Variants in ULK4 observed in about 807,000 individuals in gnomAD.
The protein encoded by ULK4 is inactive serine/threonine-protein kinase ULK4.
In ULK4, 133 loss-of-function variants were observed where a neutral mutation model predicts 160.6. The ratio of observed to expected loss-of-function variants is 0.83; its 90% CI spans 0.72 to 0.96. ULK4 has a LOEUF of 0.96. ULK4 is among the 40% of genes least tolerant of loss of function. ULK4 has a pLI of 0.00. For synonymous variants in ULK4, 534 were observed against 539.8 expected, an observed-to-expected ratio of 0.99 and a Z score of 0.15; for missense variants, 1,580 against 1,499.5, an observed-to-expected ratio of 1.05 and a Z score of -0.89.
chr3:41,493,033 A>C (rs1328153454), intron 32 of ULK4, among the ~76,000 whole-genome samples: 10 of 121,328 alleles, frequency 8.2e-5, no homozygotes, highest in Non-Finnish European at 1.3e-4. Context: ...ACAGAAAGTT[A>C]ACAAGGATAT....
In ULK4 at chr3:41,338,851, G is replaced by A. The variant is rs1158795671; in HGVS notation, c.3678+59228C>T. On this transcript the variant is annotated intron_variant, in intron 35 of 36. Transcript: ENST00000301831. ...GGCCTGAGAACCAGGAATGCCAAGGGCAGAAGATCAAGGGCAGACTGATAT... is the reference window on the plus strand; with the variant it reads ...GGCCTGAGAACCAGGAATGCCAAGGACAGAAGATCAAGGGCAGACTGATAT... Among the ~76,000 whole-genome samples, 8 of 151,790 alleles carry A rather than the reference G, an allele frequency of 5.3e-5. No individual in the cohort carries two copies. The East Asian group carries it at 1.6e-3, about 30-fold the overall frequency.
At chr3:41,945,439 A>T (rs1361436088) in intron 2 of ULK4, among the ~76,000 whole-genome samples, 2 of 152,106 alleles carry the variant, frequency 1.3e-5, no homozygotes, top group Non-Finnish European at 2.9e-5. Flanking sequence ...AATGGGTGAT[A>T]AGCAAACCAA....
intron 5 of ULK4, among the ~76,000 whole-genome samples, chr3:41,929,231 G>T (rs1699494208): frequency 6.6e-6 from 1 of 151,978 alleles, no homozygotes; most frequent in Admixed American, 6.6e-5. Flanking sequence ...ACAAACCAAT[G>T]ACAAAAAACC....
rs141630798 is a variant in ULK4 at position 41,310,447 on chromosome 3, G to A, written c.3679-60873C>T. On this transcript the variant is annotated intron_variant, in intron 35 of 36. Coordinates refer to ENST00000301831, the MANE Select transcript of ULK4 (RefSeq NM_017886.4). ...TTACAATCAATTTATTAGAAGCTGG[G>A]AGGGCGGGGGAAGGCAGGGTGTGGG... is the stretch of plus-strand genomic sequence containing the variant. Among the ~76,000 whole-genome samples, 489 of 152,268 alleles carry A rather than the reference G, an allele frequency of 3.2e-3. 3 individuals are homozygous for A. Among genetic ancestry groups the A allele is most frequent in the African/African-American group, 0.011 (458 of 41,534 alleles).
At chr3:41,531,516 A>G (rs908624766) in intron 32 of ULK4, among the ~76,000 whole-genome samples, 3 of 136,420 alleles carry the variant, frequency 2.2e-5, no homozygotes, top group African/African-American at 2.9e-5. Flanking sequence ...AGAAAAGAAA[A>G]AGAAAAAGAA....
At chr3:41,528,759 C>G (rs1038849020) in intron 32 of ULK4, among the ~76,000 whole-genome samples, 17 of 152,136 alleles carry the variant, frequency 1.1e-4, no homozygotes, top group African/African-American at 3.9e-4. Context: ...ATATCGAGTT[C>G]AATAGAGGAT....
chr3:41,694,359 G>A (rs903381833), intron 27 of ULK4, among the ~76,000 whole-genome samples: 3 of 152,176 alleles, frequency 2.0e-5, no homozygotes, highest in South Asian at 2.1e-4. Context: ...TAGGAGCATC[G>A]TAGGGACTGT....
intron 34 of ULK4, among the ~76,000 whole-genome samples, chr3:41,409,495 T>G (rs1309962542): frequency 6.6e-6 from 1 of 152,206 alleles, no homozygotes; most frequent in Non-Finnish European, 1.5e-5. Context: ...ATAAGGGACT[T>G]GTATATACAT....
chr3:41,476,845 G>A (rs2084162052), intron 32 of ULK4, among the ~76,000 whole-genome samples: 1 of 152,156 alleles, frequency 6.6e-6, no homozygotes, highest in South Asian at 2.1e-4. Flanking sequence ...ATTAACATCC[G>A]AGACTGAAGT....
At chr3:41,526,440 T>C (rs1418579063) in intron 32 of ULK4, among the ~76,000 whole-genome samples, 2 of 152,182 alleles carry the variant, frequency 1.3e-5, no homozygotes, top group Non-Finnish European at 2.9e-5. Context: ...TAAGGTCCTG[T>C]CTAGTTCTGC....
At chr3:41,811,984 A>G (rs1669755948) in intron 19 of ULK4, among the ~76,000 whole-genome samples, 1 of 152,146 alleles carries the variant, frequency 6.6e-6, no homozygotes, top group African/African-American at 2.4e-5. Context: ...GATTTCCATA[A>G]TTTTAACAAT....
At chr3:41,529,302 T>C (rs933352471) in intron 32 of ULK4, among the ~76,000 whole-genome samples, 27 of 152,350 alleles carry the variant, frequency 1.8e-4, no homozygotes, top group African/African-American at 4.1e-4. Flanking sequence ...TTAAACTTAC[T>C]CTTCAATATC....
chr3:41,708,814 C>T (rs1575592644), intron 25 of ULK4, among the ~76,000 whole-genome samples: 2 of 152,150 alleles, frequency 1.3e-5, no homozygotes, highest in South Asian at 2.1e-4. Context: ...CCACAATGTA[C>T]ACATATTTCA....
intron 12 of ULK4, among the ~76,000 whole-genome samples, chr3:41,903,078 G>C (rs1174389928): frequency 1.3e-5 from 2 of 152,150 alleles, no homozygotes; most frequent in Non-Finnish European, 2.9e-5. Context: ...AGTGAGGAAG[G>C]GGGCAGAAGG....
intron 32 of ULK4, among the ~76,000 whole-genome samples, chr3:41,473,378 T>C (rs114996456): frequency 0.011 from 1,681 of 152,208 alleles, 14 homozygotes; most frequent in Non-Finnish European, 0.017. Flanking sequence ...CTAGTAAATA[T>C]AGGCTGGGCA....
intron 30 of ULK4, among the ~76,000 whole-genome samples, chr3:41,654,780 A>G (rs1448446756): frequency 2.6e-5 from 4 of 152,220 alleles, no homozygotes; most frequent in Non-Finnish European, 4.4e-5. Flanking sequence ...ACAGTTACAA[A>G]AAGAAGAAAG....
intron 34 of ULK4, among the ~76,000 whole-genome samples, chr3:41,425,880 A>C (rs2082766152): frequency 6.6e-6 from 1 of 152,222 alleles, no homozygotes; most frequent in Non-Finnish European, 1.5e-5. Flanking sequence ...ACAAGTCTGC[A>C]AAATAACCAG....
At chr3:41,865,053 C>T (rs1043295094) in intron 17 of ULK4, among the ~76,000 whole-genome samples, 3 of 151,980 alleles carry the variant, frequency 2.0e-5, no homozygotes, top group African/African-American at 7.3e-5. Flanking sequence ...GGGTGGATCA[C>T]TTGAGGTCAG....
intron 31 of ULK4, among the ~76,000 whole-genome samples, chr3:41,577,337 ATTT>A (rs1473048176): frequency 6.6e-6 from 1 of 152,150 alleles, no homozygotes; most frequent in African/African-American, 2.4e-5. Flanking sequence ...TAATTTTTTA[ATTT>A]TTAATTTTTG....
Sources: gnomAD v4.1 joint callset for allele counts (sites outside exome capture counted in the v4.1 genomes callset) on GRCh38, gnomAD v4.1.1 for gene constraint, MANE v1.5 for transcripts, NCBI Gene and HGNC (gene_info 2026-07-23, HGNC 2026-07-21) for gene names.